The following ERBB4 variants were observed in gnomAD, a reference collection of about 807,000 sequenced individuals.
ERBB4 encodes receptor tyrosine-protein kinase erbB-4.
In ERBB4, 42 loss-of-function variants were observed where a neutral mutation model predicts 158.0. The observed-to-expected ratio is 0.27, with a 90% confidence interval of 0.21 to 0.34. The LOEUF (loss-of-function observed/expected upper bound fraction) is 0.34. ERBB4 is among the 10% of genes least tolerant of loss of function. The pLI, the probability that ERBB4 is intolerant of heterozygous loss-of-function variation, is 1.00. For missense variants in ERBB4, 1,333 were observed against 1,624.1 expected (o/e 0.82, Z 3.08); for synonymous variants, 583 against 558.7 (o/e 1.04, Z -0.61).
At chr2:211,527,090 A>T (rs578140814) in intron 20 of ERBB4, among the ~76,000 whole-genome samples, 1 of 152,226 alleles carries the variant, frequency 6.6e-6, no homozygotes, top group East Asian at 1.9e-4. Context: ...TCCAAGTACA[A>T]GAAGGTTACA....
intron 1 of ERBB4, among the ~76,000 whole-genome samples, chr2:212,261,431 T>C (rs2084940803): frequency 6.6e-6 from 1 of 152,034 alleles, no homozygotes; most frequent in Admixed American, 6.6e-5. Flanking sequence ...CACCTCTGCA[T>C]CCCTGAAAAA....
At chr2:211,617,513 T>C (rs1003051762) in intron 19 of ERBB4, among the ~76,000 whole-genome samples, 2 of 152,094 alleles carry the variant, frequency 1.3e-5, no homozygotes, top group Non-Finnish European at 2.9e-5. Context: ...TTGGCCTTAC[T>C]GTTATATAGA....
chr2:212,097,394 T>C (rs1470267237), intron 2 of ERBB4, among the ~76,000 whole-genome samples: 1 of 152,062 alleles, frequency 6.6e-6, no homozygotes. Flanking sequence ...AAAGGATACA[T>C]TGTGAGCATA....
intron 15 of ERBB4, among the ~76,000 whole-genome samples, chr2:211,658,454 G>T (rs1194326919): frequency 1.3e-5 from 2 of 152,192 alleles, no homozygotes; most frequent in African/African-American, 4.8e-5. Context: ...CTCATTAAAG[G>T]TTGATTTTGG....
At chr2:211,686,405 G>T (rs562094375) in intron 12 of ERBB4, among the ~76,000 whole-genome samples, 194 of 151,974 alleles carry the variant, frequency 1.3e-3, no homozygotes, top group South Asian at 6.2e-3. Flanking sequence ...TTACATTTTT[G>T]ATTATCAAAT....
chr2:211,855,290 CT>C (rs2077827525), intron 3 of ERBB4, among the ~76,000 whole-genome samples: 2 of 152,090 alleles, frequency 1.3e-5, no homozygotes, highest in African/African-American at 4.8e-5. Context: ...CACTAAATGA[CT>C]TTTCTTGTCA....
chr2:211,946,966 T>C (rs1348695294), intron 3 of ERBB4, among the ~76,000 whole-genome samples: 1 of 152,076 alleles, frequency 6.6e-6, no homozygotes, highest in Non-Finnish European at 1.5e-5. Context: ...AGCTACTGAA[T>C]AAGAGAAATC....
chr2:211,515,266 C>T (rs933969186), intron 20 of ERBB4, among the ~76,000 whole-genome samples: 1 of 151,982 alleles, frequency 6.6e-6, no homozygotes, highest in African/African-American at 2.4e-5. Flanking sequence ...TGAATTTGGG[C>T]TTTAATATGG....
At chr2:212,421,806 T>C (rs1325570921) in intron 1 of ERBB4, among the ~76,000 whole-genome samples, 1 of 152,174 alleles carries the variant, frequency 6.6e-6, no homozygotes, top group African/African-American at 2.4e-5. Context: ...GATAATAATG[T>C]ATTGGAGTCA....
intron 3 of ERBB4, among the ~76,000 whole-genome samples, chr2:211,831,441 T>C (rs1214582761): frequency 6.6e-6 from 1 of 152,178 alleles, no homozygotes; most frequent in East Asian, 1.9e-4. Flanking sequence ...CTAATTTCCG[T>C]ACTACAAAAC....
intron 14 of ERBB4, among the ~76,000 whole-genome samples, chr2:211,671,236 C>A (rs2071825900): frequency 6.6e-6 from 1 of 151,998 alleles, no homozygotes; most frequent in African/African-American, 2.4e-5. Flanking sequence ...GCAAATAATG[C>A]AACTTCTTAA....
intron 1 of ERBB4, among the ~76,000 whole-genome samples, chr2:212,390,634 A>T (rs958318818): frequency 6.6e-6 from 1 of 151,864 alleles, no homozygotes; most frequent in Non-Finnish European, 1.5e-5. Context: ...CTGAAACAGA[A>T]GATTATAATA....
chr2:212,148,610 CT>C (rs1345306204), intron 1 of ERBB4, among the ~76,000 whole-genome samples: 1 of 152,030 alleles, frequency 6.6e-6, no homozygotes, highest in East Asian at 1.9e-4. Flanking sequence ...TCCTGAAAGA[CT>C]TAATACATCA....
At position 212,032,131 on chromosome 2, in the gene ERBB4, A is replaced by G. The variant is rs563806726; in HGVS notation, c.235-84515T>C. Among the ~76,000 whole-genome samples, 112 of 152,240 alleles carry G rather than the reference A, an allele frequency of 7.4e-4. 1 individual carries two copies. Among genetic ancestry groups the G allele is most frequent in the African/African-American group, 2.4e-3 (100 of 41,564 alleles). Reference sequence around the variant, plus strand: ...TTTTCAAACATGCCATTTCATATGCAATGTTGATGCAGGCCTTCTCAGCTA... The same window carrying G: ...TTTTCAAACATGCCATTTCATATGCGATGTTGATGCAGGCCTTCTCAGCTA... On this transcript the variant is annotated intron_variant, in intron 2 of 27. Coordinates refer to ENST00000342788, the MANE Select transcript of ERBB4 (RefSeq NM_005235.3).
intron 3 of ERBB4, among the ~76,000 whole-genome samples, chr2:211,935,809 C>A (rs943577742): frequency 6.6e-6 from 1 of 152,146 alleles, no homozygotes; most frequent in Non-Finnish European, 1.5e-5. Context: ...CTAACTAATA[C>A]ACCTACTAAT....
At chr2:211,691,831 G>T (rs1265731931) in intron 12 of ERBB4, among the ~76,000 whole-genome samples, 3 of 152,114 alleles carry the variant, frequency 2.0e-5, no homozygotes, top group African/African-American at 7.2e-5. Context: ...GACATGGGCA[G>T]CATATGGGAA....
At chr2:211,882,358 A>G (rs2078686894) in intron 3 of ERBB4, among the ~76,000 whole-genome samples, 1 of 152,158 alleles carries the variant, frequency 6.6e-6, no homozygotes, top group South Asian at 2.1e-4. Context: ...GATGGAGCTT[A>G]TGCTGAGAAT....
intron 19 of ERBB4, among the ~76,000 whole-genome samples, chr2:211,596,940 A>G (rs555263178): frequency 6.6e-6 from 1 of 152,064 alleles, no homozygotes; most frequent in African/African-American, 2.4e-5. Context: ...AATCTTTTGT[A>G]TTTTTAGTAG....
chr2:211,605,201 G>T (rs2068938010), intron 19 of ERBB4, among the ~76,000 whole-genome samples: 1 of 152,094 alleles, frequency 6.6e-6, no homozygotes, highest in Non-Finnish European at 1.5e-5. Context: ...AAATCTAAAA[G>T]GGAGAAAATA....
Sources: allele counts gnomAD v4.1 joint callset (sites outside exome capture counted in the v4.1 genomes callset), GRCh38; gene constraint gnomAD v4.1.1; transcripts MANE v1.5; gene names NCBI Gene and HGNC (gene_info 2026-07-23, HGNC 2026-07-21).